The following PDE4D variants were observed in gnomAD, a reference collection of about 807,000 sequenced individuals.
PDE4D encodes the protein phosphodiesterase 4D, also known as 3',5'-cyclic-AMP phosphodiesterase 4D.
Under a neutral mutation model 87.4 loss-of-function variants are expected in PDE4D, and 24 were observed. That is an observed-to-expected ratio of 0.27 (90% CI 0.20 to 0.39). PDE4D has a LOEUF of 0.39. Ranked by LOEUF, PDE4D falls within the 10% of genes least tolerant of loss-of-function variation. PDE4D has a pLI of 1.00. For synonymous variants in PDE4D, 384 were observed against 383.2 expected (o/e 1.00, Z -0.02); for missense variants, 714 against 1,041.0 (o/e 0.69, Z 4.32).
At chr5:59,990,403 A>C (rs1430179555) in intron 2 of PDE4D, among the ~76,000 whole-genome samples, 4 of 152,172 alleles carry the variant, frequency 2.6e-5, no homozygotes, top group African/African-American at 9.6e-5. Context: ...TCCCAAATAG[A>C]AAATTTTTGT....
chr5:59,240,827 C>T (rs751903388), intron 1 of PDE4D, among the ~76,000 whole-genome samples: 1 of 151,620 alleles, frequency 6.6e-6, no homozygotes, highest in Non-Finnish European at 1.5e-5. Context: ...GGATGTAATT[C>T]CATAAAGTTC....
At chr5:59,916,955 T>TA (rs1754124256) in intron 3 of PDE4D, among the ~76,000 whole-genome samples, 1 of 51,290 alleles carries the variant, frequency 1.9e-5, no homozygotes, top group Non-Finnish European at 3.3e-5. Flanking sequence ...GCCCGGCTAA[T>TA]TTTTTTTTTT....
At chr5:59,959,340 T>C (rs796683920) in intron 3 of PDE4D, among the ~76,000 whole-genome samples, 1 of 152,300 alleles carries the variant, frequency 6.6e-6, no homozygotes, top group African/African-American at 2.4e-5. Context: ...TCAATGTTAT[T>C]TTTCACAGAA....
At chr5:59,153,624 A>G (rs1779748402) in intron 5 of PDE4D, among the ~76,000 whole-genome samples, 1 of 152,204 alleles carries the variant, frequency 6.6e-6, no homozygotes, top group Non-Finnish European at 1.5e-5. Flanking sequence ...AAGAGATGTA[A>G]AAGAGTCAGC....
Position 59,330,098 on chromosome 5 carries a change from G to A in PDE4D, c.456-114130C>T, listed in dbSNP as rs114511176. Among the ~76,000 whole-genome samples, 1,258 of 152,178 alleles carry A rather than the reference G, an allele frequency of 8.3e-3. 16 individuals carry two copies. The highest frequency in any genetic ancestry group is 0.028 in the African/African-American group (1,146 of 41,524). On this transcript the variant is annotated intron_variant, in intron 1 of 14. Transcript: ENST00000340635. ...AAACTGGGAGTCCTATCTTTAATAT[G>A]TTCATCACGTTAATTAATGAATGAT...
At chr5:60,008,497 C>T (rs754303259) in intron 2 of PDE4D, among the ~76,000 whole-genome samples, 3 of 151,988 alleles carry the variant, frequency 2.0e-5, no homozygotes, top group Non-Finnish European at 4.4e-5. Flanking sequence ...GTATTCTTCA[C>T]GTGACACAGT....
chr5:59,730,838 A>C (rs553268385), intron 1 of PDE4D, among the ~76,000 whole-genome samples: 1 of 152,280 alleles, frequency 6.6e-6, no homozygotes, highest in East Asian at 1.9e-4. Context: ...CAGAAAGTGA[A>C]AAACTTTTTA....
chr5:60,298,199 C>A (rs367617531), intron 1 of PDE4D, among the ~76,000 whole-genome samples: 9 of 151,354 alleles, frequency 5.9e-5, no homozygotes, highest in Non-Finnish European at 1.3e-4. Context: ...TTATCAGGTA[C>A]AGAAAATTTA....
chr5:59,364,582 CT>C (rs1243874714), intron 1 of PDE4D, among the ~76,000 whole-genome samples: 1 of 152,098 alleles, frequency 6.6e-6, no homozygotes, highest in East Asian at 1.9e-4. Context: ...ATAAAACAAA[CT>C]TTGGTCAAAG....
intron 1 of PDE4D, among the ~76,000 whole-genome samples, chr5:59,356,231 G>A (rs939204881): frequency 6.6e-6 from 1 of 152,106 alleles, no homozygotes; most frequent in African/African-American, 2.4e-5. Context: ...AAGTCATGAG[G>A]TCAAGATTTT....
intron 1 of PDE4D, among the ~76,000 whole-genome samples, chr5:59,431,398 A>G (rs1319693109): frequency 1.3e-5 from 2 of 152,132 alleles, no homozygotes; most frequent in East Asian, 1.9e-4. Flanking sequence ...GCAGGTGTTC[A>G]GAGTATTCTG....
At chr5:59,163,127 T>C (rs1246809157) in intron 5 of PDE4D, among the ~76,000 whole-genome samples, 1 of 145,026 alleles carries the variant, frequency 6.9e-6, no homozygotes, top group African/African-American at 2.6e-5. Flanking sequence ...TTTTTTTCAG[T>C]AGAGACGGGG....
chr5:60,439,928 C>A (rs13185203), intron 1 of PDE4D, among the ~76,000 whole-genome samples: 13,594 of 119,424 alleles, frequency 0.11, 900 homozygotes, highest in East Asian at 0.36. Context: ...AAAAAAAAAA[C>A]AAAAAAAAAA....
At chr5:60,431,701 CTT>C (rs897953322) in intron 1 of PDE4D, among the ~76,000 whole-genome samples, 1 of 152,208 alleles carries the variant, frequency 6.6e-6, no homozygotes, top group African/African-American at 2.4e-5. Context: ...AATCTCGACA[CTT>C]TGGGAGGCCA....
chr5:59,500,965 C>T (rs1808194952), intron 1 of PDE4D, among the ~76,000 whole-genome samples: 1 of 152,040 alleles, frequency 6.6e-6, no homozygotes. Context: ...ACCTGCTAGA[C>T]CAACTAATTT....
At chr5:60,292,865 T>C (rs1056966323) in intron 1 of PDE4D, among the ~76,000 whole-genome samples, 1 of 152,182 alleles carries the variant, frequency 6.6e-6, no homozygotes, top group Admixed American at 6.5e-5. Flanking sequence ...CATAATCATG[T>C]TGTTGTTGGA....
chr5:59,016,453 T>C (rs1397382730), intron 6 of PDE4D, among the ~76,000 whole-genome samples: 1 of 148,322 alleles, frequency 6.7e-6, no homozygotes, highest in African/African-American at 2.5e-5. Flanking sequence ...GTCAGTATCG[T>C]GCCCCTTACC....
At chr5:59,800,058 A>G (rs1391154989) in intron 1 of PDE4D, among the ~76,000 whole-genome samples, 2 of 152,206 alleles carry the variant, frequency 1.3e-5, no homozygotes, top group Non-Finnish European at 2.9e-5. Flanking sequence ...GAATTGCTGA[A>G]TAAGTAGTAT....
At chr5:59,772,600 TTGTCTA>T (rs750055386) in intron 1 of PDE4D, among the ~76,000 whole-genome samples, 15 of 152,208 alleles carry the variant, frequency 9.9e-5, no homozygotes, top group Non-Finnish European at 2.2e-4. Flanking sequence ...AAGTGTGCTT[TTGTCTA>T]GGTACAAACA....
Sources: allele counts gnomAD v4.1 joint callset (sites outside exome capture counted in the v4.1 genomes callset), GRCh38; gene constraint gnomAD v4.1.1; transcripts MANE v1.5; gene names NCBI Gene and HGNC (gene_info 2026-07-23, HGNC 2026-07-21).